Variants in FUT9 observed in about 807,000 individuals in gnomAD.
FUT9 encodes fucosyltransferase 9.
Under a neutral mutation model 29.7 loss-of-function variants are expected in FUT9, and 15 were observed. The observed-to-expected ratio is 0.51, with a 90% CI of 0.34 to 0.78. The LOEUF (loss-of-function observed/expected upper bound fraction) is 0.78, where lower values mean the gene tolerates loss of function less well. Ranked by LOEUF, FUT9 falls within the 30% of genes least tolerant of loss-of-function variation. FUT9 has a pLI of 0.01. For synonymous variants in FUT9, 169 were observed against 153.7 expected, an observed-to-expected ratio of 1.10 and a Z score of -0.74; for missense variants, 319 against 425.4, an observed-to-expected ratio of 0.75 and a Z score of 2.20.
chr6:96,189,985 C>A (rs1255181071), intron 2 of FUT9, among the ~76,000 whole-genome samples: 2 of 152,138 alleles, frequency 1.3e-5, no homozygotes, highest in Non-Finnish European at 2.9e-5. Context: ...TTAGTTGATG[C>A]AGTTTCTTCC....
At chr6:96,034,954 T>C (rs1473088986) in intron 1 of FUT9, among the ~76,000 whole-genome samples, 1 of 151,678 alleles carries the variant, frequency 6.6e-6, no homozygotes, top group Admixed American at 6.6e-5. Flanking sequence ...TATCAGTTGT[T>C]TGGATAAGAG....
intron 2 of FUT9, among the ~76,000 whole-genome samples, chr6:96,192,268 T>C (rs1016105189): frequency 4.6e-5 from 7 of 152,186 alleles, no homozygotes; most frequent in Non-Finnish European, 5.9e-5. Context: ...AAATTGTCAC[T>C]GTTTGCAGAT....
chr6:96,193,793 G>A (rs1773565701), intron 2 of FUT9, among the ~76,000 whole-genome samples: 1 of 152,072 alleles, frequency 6.6e-6, no homozygotes, highest in African/African-American at 2.4e-5. Flanking sequence ...GCAAAGACTT[G>A]GAACCAACCC....
intron 2 of FUT9, among the ~76,000 whole-genome samples, chr6:96,157,384 C>T (rs1014821683): frequency 6.6e-6 from 1 of 152,070 alleles, no homozygotes; most frequent in Non-Finnish European, 1.5e-5. Context: ...TTTTCATAAT[C>T]TTTTTATTAT....
intron 1 of FUT9, chr6:96,037,545 G>T (rs545812696): frequency 6.6e-6 from 1 of 152,152 alleles, no homozygotes; most frequent in African/African-American, 2.4e-5. Flanking sequence ...TAATGACTTT[G>T]ATATGGATGA....
intron 2 of FUT9, among the ~76,000 whole-genome samples, chr6:96,186,906 T>C (rs2127987536): frequency 6.6e-6 from 1 of 152,224 alleles, no homozygotes; most frequent in African/African-American, 2.4e-5. Flanking sequence ...CTTTACTCAG[T>C]CCGCCAATTT....
intron 2 of FUT9, among the ~76,000 whole-genome samples, chr6:96,166,737 A>C (rs951148330): frequency 6.6e-6 from 1 of 152,132 alleles, no homozygotes; most frequent in African/African-American, 2.4e-5. Context: ...CACTGATATA[A>C]AAATCTATGC....
chr6:96,124,606 C>A (rs1291854898), intron 2 of FUT9, among the ~76,000 whole-genome samples: 1 of 151,862 alleles, frequency 6.6e-6, no homozygotes, highest in African/African-American at 2.4e-5. Context: ...CTTCTAGTCT[C>A]CTCCCAGAAG....
intron 2 of FUT9, among the ~76,000 whole-genome samples, chr6:96,162,787 T>C (rs548396633): frequency 1.3e-5 from 2 of 152,228 alleles, no homozygotes; most frequent in Non-Finnish European, 2.9e-5. Flanking sequence ...TGGCATTCTT[T>C]GCGTTGTAAT....
intron 1 of FUT9, among the ~76,000 whole-genome samples, chr6:96,026,555 AAGCAAAAATGTGTTATTACATAT>A (rs1240115081): frequency 2.0e-5 from 3 of 151,760 alleles, no homozygotes; most frequent in Non-Finnish European, 4.4e-5. Context: ...CAAAATCATT[AAGCAAAAATGTGTTATTACATAT>A]TTCCCATGGC....
chr6:96,180,710 C>T (rs2127985802), intron 2 of FUT9, among the ~76,000 whole-genome samples: 1 of 152,126 alleles, frequency 6.6e-6, no homozygotes, highest in South Asian at 2.1e-4. Flanking sequence ...TGAATGAGAA[C>T]ATACAGTATT....
At chr6:96,099,278 A>T (rs1419947709) in intron 1 of FUT9, among the ~76,000 whole-genome samples, 1 of 152,076 alleles carries the variant, frequency 6.6e-6, no homozygotes, top group Non-Finnish European at 1.5e-5. Flanking sequence ...TACTATTTTA[A>T]CTTTATGCAC....
intron 2 of FUT9, among the ~76,000 whole-genome samples, chr6:96,165,445 A>G (rs1772998508): frequency 6.8e-6 from 1 of 147,604 alleles, no homozygotes; most frequent in Non-Finnish European, 1.5e-5. Flanking sequence ...AGAAAAAAAA[A>G]GAGTCGATTC....
At chr6:96,136,266 TTGAG>T (rs2127971285) in intron 2 of FUT9, among the ~76,000 whole-genome samples, 1 of 152,020 alleles carries the variant, frequency 6.6e-6, no homozygotes, top group South Asian at 2.1e-4. Context: ...TTCCTCATAC[TTGAG>T]TGAGTAGAAT....
intron 2 of FUT9, among the ~76,000 whole-genome samples, chr6:96,117,543 T>A (rs1771934933): frequency 1.3e-5 from 2 of 152,198 alleles, no homozygotes; most frequent in Non-Finnish European, 2.9e-5. Flanking sequence ...TGTATATACA[T>A]CATAATGCTT....
chr6:96,114,353 A>G (rs1771871568), intron 2 of FUT9, among the ~76,000 whole-genome samples: 2 of 151,976 alleles, frequency 1.3e-5, no homozygotes, highest in South Asian at 4.1e-4. Flanking sequence ...GGTAGGTAGG[A>G]TAATACATCC....
At chr6:96,147,267 T>G (rs1226151616) in intron 2 of FUT9, among the ~76,000 whole-genome samples, 2 of 151,770 alleles carry the variant, frequency 1.3e-5, no homozygotes, top group Non-Finnish European at 2.9e-5. Context: ...GTTCAAGCGA[T>G]TCTCCTGCCT....
chr6:96,048,038 G>T (rs1770594907), intron 1 of FUT9, among the ~76,000 whole-genome samples: 1 of 152,138 alleles, frequency 6.6e-6, no homozygotes, highest in Non-Finnish European at 1.5e-5. Flanking sequence ...TCTAGACGCT[G>T]CCTGCATTCT....
chr6:96,190,979 C>A (rs922196174), intron 2 of FUT9, among the ~76,000 whole-genome samples: 8 of 152,226 alleles, frequency 5.3e-5, no homozygotes, highest in African/African-American at 1.9e-4. Context: ...GGGGGAGAGG[C>A]ACTCTGATTT....
Sources: gnomAD v4.1 joint callset for allele counts (sites outside exome capture counted in the v4.1 genomes callset) on GRCh38, gnomAD v4.1.1 for gene constraint, MANE v1.5 for transcripts, NCBI Gene and HGNC (gene_info 2026-07-23, HGNC 2026-07-21) for gene names.